Variants in SPATA6L observed in about 807,000 individuals in gnomAD.
The protein encoded by SPATA6L is spermatogenesis associated 6 like, also known as spermatogenesis associated 6-like protein.
Under a neutral mutation model 49.2 loss-of-function variants are expected in SPATA6L, and 68 were observed. The ratio of observed to expected loss-of-function variants is 1.38; its 90% CI spans 1.14 to 1.69. The LOEUF is 1.69. SPATA6L is among the 40% of genes most tolerant of loss of function. The pLI is 0.00. For missense variants in SPATA6L, 668 were observed against 464.3 expected, an observed-to-expected ratio of 1.44 and a Z score of -4.03; for synonymous variants, 198 against 165.7, an observed-to-expected ratio of 1.19 and a Z score of -1.50.
At chr9:4,658,283 A>G (rs1190901401) in intron 2 of SPATA6L, among the ~76,000 whole-genome samples, 1 of 152,224 alleles carries the variant, frequency 6.6e-6, no homozygotes, top group Non-Finnish European at 1.5e-5. Flanking sequence ...CTGCTTAAAC[A>G]ATGACTTATA....
At chr9:4,645,577 T>C (rs1397028593) in intron 3 of SPATA6L, among the ~76,000 whole-genome samples, 1 of 152,188 alleles carries the variant, frequency 6.6e-6, no homozygotes, top group Non-Finnish European at 1.5e-5. Flanking sequence ...AACCCATCAG[T>C]ACATTAATCC....
chr9:4,665,329 C>CA (rs1338993879), intron 1 of SPATA6L: 2 of 154,040 alleles, frequency 1.3e-5, no homozygotes, highest in African/African-American at 4.8e-5. Flanking sequence ...CTTAGCTTCT[C>CA]AAGAGTTCCT....
At chr9:4,636,906 C>T (rs528684663) in intron 3 of SPATA6L, among the ~76,000 whole-genome samples, 4 of 152,310 alleles carry the variant, frequency 2.6e-5, no homozygotes, top group Admixed American at 2.6e-4. Flanking sequence ...ACCATGCATG[C>T]TCTCCTGCAT....
intron 3 of SPATA6L, among the ~76,000 whole-genome samples, chr9:4,651,455 T>C (rs1421142208): frequency 9.9e-5 from 15 of 152,112 alleles, no homozygotes; most frequent in Non-Finnish European, 1.3e-4. Context: ...TCACAACCTC[T>C]TCCAAAAACA....
At chr9:4,617,849 T>G (rs1278555502) in intron 9 of SPATA6L, 74 bp downstream of exon 9, 2 of 1,267,130 alleles carry the variant, frequency 1.6e-6, no homozygotes, top group Non-Finnish European at 2.1e-6. Context: ...AGGAAGCTGG[T>G]GAAATGACCC....
At chr9:4,629,786 T>TATATATATAC (rs1303538823) in intron 4 of SPATA6L, among the ~76,000 whole-genome samples, 5 of 145,694 alleles carry the variant, frequency 3.4e-5, no homozygotes, top group African/African-American at 1.3e-4. Context: ...TATATATATA[T>TATATATATAC]ATATATATAT....
At chr9:4,659,303 G>A (rs1404378831) in intron 2 of SPATA6L, among the ~76,000 whole-genome samples, 1 of 152,160 alleles carries the variant, frequency 6.6e-6, no homozygotes, top group Non-Finnish European at 1.5e-5. Flanking sequence ...TCACTTTCCA[G>A]ACCTTTAAAA....
intron 2 of SPATA6L, among the ~76,000 whole-genome samples, chr9:4,656,437 A>AAAGAAAGG (rs774730959): frequency 0.049 from 5,721 of 117,430 alleles, 297 homozygotes; most frequent in African/African-American, 0.072. Context: ...AGACCCTGTG[A>AAAGAAAGG]AAGAAAGGAA....
At chr9:4,660,624 G>C (rs1394898420) in intron 2 of SPATA6L, among the ~76,000 whole-genome samples, 1 of 152,212 alleles carries the variant, frequency 6.6e-6, no homozygotes, top group Admixed American at 6.5e-5. Context: ...ACAGTGTGGT[G>C]ATTCCTCAAG....
intron 13 of SPATA6L, among the ~76,000 whole-genome samples, chr9:4,593,143 A>G (rs1275894968): frequency 6.6e-6 from 1 of 152,196 alleles, no homozygotes; most frequent in Non-Finnish European, 1.5e-5. Context: ...CATGATTCCA[A>G]GTCTTTTCCT....
intron 9 of SPATA6L, among the ~76,000 whole-genome samples, chr9:4,608,783 A>G (rs1825949258): frequency 6.6e-6 from 1 of 152,026 alleles, no homozygotes; most frequent in Non-Finnish European, 1.5e-5. Flanking sequence ...GAAGGCAAGA[A>G]ATAACTAAAA....
At chr9:4,595,726 T>A (rs962333627), downstream of SPATA6L, among the ~76,000 whole-genome samples, 3 of 152,182 alleles carry the variant, frequency 2.0e-5, no homozygotes, top group Non-Finnish European at 4.4e-5. Context: ...TCCTGAAACA[T>A]ACAGAAGCAA....
At position 4,660,130 on chromosome 9, in the gene SPATA6L, C is replaced by A. The variant is rs1839263493; in HGVS notation, c.177+1769G>T. 4.6e-5 allele frequency among the ~76,000 whole-genome samples: 7 copies of A among 152,324 alleles called. No homozygotes were observed. The South Asian group carries it at 1.5e-3, about 32-fold the overall frequency. On this transcript the variant is annotated intron_variant, in intron 2 of 11. Coordinates refer to ENST00000682582, the MANE Select transcript of SPATA6L (RefSeq NM_001353486.2). ...AGGACATATGCATGGGCAAGGACTTCATGACTAAAACACCAAAAGCAATGG... is the reference window on the plus strand; with the variant it reads ...AGGACATATGCATGGGCAAGGACTTAATGACTAAAACACCAAAAGCAATGG...
intron 2 of SPATA6L, among the ~76,000 whole-genome samples, chr9:4,659,329 C>G (rs759126156): frequency 2.6e-5 from 4 of 152,160 alleles, no homozygotes; most frequent in Non-Finnish European, 5.9e-5. Flanking sequence ...ATGCTCAAGT[C>G]TCAGGATACA....
rs58325546 is a variant in SPATA6L at position 4,644,183 on chromosome 9, CAAAAAAAAAAAAAAAAAAAA to C, written c.227-8804_227-8785del. On this transcript the variant is annotated intron_variant, in intron 3 of 11. Coordinates refer to ENST00000682582, the MANE Select transcript of SPATA6L (RefSeq NM_001353486.2). ...GCAACATAGTAAGATGCCATCTCTG[CAAAAAAAAAAAAAAAAAAAA>C]AAAAAAAAAAAAAAAATGTAGCTGG... Among the ~76,000 whole-genome samples, 319 of 45,712 alleles carry C rather than the reference CAAAAAAAAAAAAAAAAAAAA, an allele frequency of 7.0e-3. 1 individual carries two copies. Among genetic ancestry groups the C allele is most frequent in the African/African-American group, 0.018 (305 of 17,266 alleles). The allele number at this position is 45,712 out of a possible 152,430, so 30.0% of individuals were successfully genotyped here.
At chr9:4,647,015 A>G (rs1835540351) in intron 3 of SPATA6L, among the ~76,000 whole-genome samples, 1 of 152,074 alleles carries the variant, frequency 6.6e-6, no homozygotes, top group Non-Finnish European at 1.5e-5. Context: ...AATCCCCATG[A>G]TACGGGTTCA....
chr9:4,654,730 G>C (rs6476882), intron 3 of SPATA6L, among the ~76,000 whole-genome samples: 1 of 152,032 alleles, frequency 6.6e-6, no homozygotes, highest in African/African-American at 2.4e-5. Context: ...GCCAAACTCC[G>C]TGTCGTTCTG....
intron 3 of SPATA6L, among the ~76,000 whole-genome samples, chr9:4,648,075 T>C (rs1245924776): frequency 6.6e-6 from 1 of 152,126 alleles, no homozygotes; most frequent in Non-Finnish European, 1.5e-5. Flanking sequence ...CCTCAGGTGA[T>C]TTGCCCACCT....
chr9:4,622,039 T>G (rs1010190628), intron 7 of SPATA6L, among the ~76,000 whole-genome samples: 2 of 152,208 alleles, frequency 1.3e-5, no homozygotes, highest in Non-Finnish European at 2.9e-5. Flanking sequence ...CAATCTCCTG[T>G]TTTTTGCCAT....
Sources: allele counts gnomAD v4.1 joint callset (sites outside exome capture counted in the v4.1 genomes callset), GRCh38; gene constraint gnomAD v4.1.1; transcripts MANE v1.5; gene names NCBI Gene and HGNC (gene_info 2026-07-23, HGNC 2026-07-21).